GRIK1: variants seen among roughly 807,000 people sequenced by gnomAD.
GRIK1 encodes glutamate ionotropic receptor kainate type subunit 1.
A neutral mutation model predicts 105.7 loss-of-function variants in GRIK1; 69 were observed. The observed-to-expected ratio is 0.65, with a 90% CI of 0.54 to 0.80. The LOEUF is 0.80. Ranked by LOEUF, GRIK1 falls within the 30% of genes least tolerant of loss-of-function variation. GRIK1 has a pLI of 0.00. For synonymous variants in GRIK1, 438 were observed against 431.3 expected (o/e 1.02, Z -0.19); for missense variants, 1,109 against 1,167.3 (o/e 0.95, Z 0.73).
intron 1 of GRIK1, among the ~76,000 whole-genome samples, chr21:29,822,328 C>T (rs964296862): frequency 6.6e-6 from 1 of 151,988 alleles, no homozygotes; most frequent in African/African-American, 2.4e-5. Context: ...AGTTTCCTGA[C>T]CCTTGAATAT....
At chr21:29,789,218 C>A (rs1364039097) in intron 1 of GRIK1, among the ~76,000 whole-genome samples, 1 of 152,212 alleles carries the variant, frequency 6.6e-6, no homozygotes, top group African/African-American at 2.4e-5. Context: ...GGAATGACTT[C>A]CTTGTTTACC....
rs191692872 is a variant in GRIK1 at position 29,878,554 on chromosome 21, C to T, written c.118+60829G>A. On this transcript the variant is annotated intron_variant, in intron 1 of 17. Coordinates refer to ENST00000327783, the MANE Select transcript of GRIK1 (RefSeq NM_001330994.2). ...GGGAAGCAACAGGATTTAGCCACTG[C>T]TATAGACTGAATGGTTGTGTTTCAT... Among the ~76,000 whole-genome samples, 6 of 152,148 alleles carry T rather than the reference C, an allele frequency of 3.9e-5. No individual in the cohort carries two copies. The East Asian group carries it at 1.2e-3, about 29-fold the overall frequency.
intron 1 of GRIK1, among the ~76,000 whole-genome samples, chr21:29,840,775 C>T: frequency 6.6e-6 from 1 of 151,970 alleles, no homozygotes; most frequent in East Asian, 1.9e-4. Flanking sequence ...ACTCTCAATG[C>T]AGAACAAGAA....
chr21:29,537,578 CA>C (rs2089900663), intron 17 of GRIK1, 193 bp from the exon 18 acceptor site: 1 of 666,054 alleles, frequency 1.5e-6, no homozygotes, highest in Admixed American at 2.7e-5. Flanking sequence ...ACTGAGATGG[CA>C]AGTTAGCTGG....
At chr21:29,820,069 C>A (rs1171233258) in intron 1 of GRIK1, among the ~76,000 whole-genome samples, 1 of 152,014 alleles carries the variant, frequency 6.6e-6, no homozygotes, top group African/African-American at 2.4e-5. Flanking sequence ...TTAACAGCAA[C>A]TGCAACTGCC....
intron 1 of GRIK1, among the ~76,000 whole-genome samples, chr21:29,701,185 G>A (rs2063805376): frequency 6.6e-6 from 1 of 152,158 alleles, no homozygotes; most frequent in Non-Finnish European, 1.5e-5. Context: ...ACTGTGTGAG[G>A]CACTGGGATG....
chr21:29,829,538 A>G lies in GRIK1; in HGVS notation c.118+109845T>C, dbSNP rs113722015. The stretch of plus-strand genomic sequence containing the variant: ...TGAATTAATGTTTGATGGTGACAAA[A>G]ATAGCTACATATTTTTCTATCTGTG... On this transcript the variant is annotated intron_variant, in intron 1 of 17. Transcript: ENST00000327783. Among the ~76,000 whole-genome samples, 302 of 152,280 alleles carry G rather than the reference A, an allele frequency of 2.0e-3. 1 individual carries two copies. Among genetic ancestry groups the G allele is most frequent in the African/African-American group, 7.1e-3 (295 of 41,566 alleles).
At chr21:29,762,851 T>C (rs1326543020) in intron 1 of GRIK1, among the ~76,000 whole-genome samples, 1 of 152,228 alleles carries the variant, frequency 6.6e-6, no homozygotes, top group Non-Finnish European at 1.5e-5. Flanking sequence ...ACGTGTTCAA[T>C]GTAGTACTTG....
chr21:29,540,906 A>G (rs1312247685), intron 16 of GRIK1, among the ~76,000 whole-genome samples: 1 of 151,808 alleles, frequency 6.6e-6, no homozygotes, highest in African/African-American at 2.4e-5. Context: ...AGTAGCCTGG[A>G]TCTGGGGCCT....
At chr21:29,851,007 A>G (rs2068286079) in intron 1 of GRIK1, among the ~76,000 whole-genome samples, 1 of 151,858 alleles carries the variant, frequency 6.6e-6, no homozygotes, top group African/African-American at 2.4e-5. Flanking sequence ...CTCTTAGCTT[A>G]TTTGCTTTAC....
At chr21:29,908,496 A>C (rs2070718366) in intron 1 of GRIK1, among the ~76,000 whole-genome samples, 1 of 152,146 alleles carries the variant, frequency 6.6e-6, no homozygotes, top group Admixed American at 6.6e-5. Flanking sequence ...GCGTACCTTC[A>C]GGAGTTTTCT....
intron 1 of GRIK1, among the ~76,000 whole-genome samples, chr21:29,773,642 A>G (rs901592997): frequency 3.9e-5 from 6 of 152,152 alleles, no homozygotes; most frequent in African/African-American, 1.4e-4. Context: ...TCGGTGCATA[A>G]CAACCTCTCG....
intron 3 of GRIK1, 26 bp from the exon 4 acceptor site, chr21:29,673,190 A>T: frequency 6.7e-7 from 1 of 1,497,666 alleles, no homozygotes; most frequent in Non-Finnish European, 9.3e-7. Flanking sequence ...CAATCATGCA[A>T]TGGAGACTGT....
At chr21:29,599,093 A>G (rs529698358) in intron 7 of GRIK1, among the ~76,000 whole-genome samples, 156 bp from the exon 8 acceptor site, 2 of 152,354 alleles carry the variant, frequency 1.3e-5, no homozygotes, top group African/African-American at 4.8e-5. Flanking sequence ...ACAAGATAGC[A>G]GAACACATCG....
intron 1 of GRIK1, among the ~76,000 whole-genome samples, chr21:29,930,268 A>G (rs544769126): frequency 6.6e-6 from 1 of 152,318 alleles, no homozygotes; most frequent in Admixed American, 6.5e-5. Context: ...GAAAAAGTAC[A>G]GTAACATCTC....
At chr21:29,918,524 T>G (rs2071082324) in intron 1 of GRIK1, among the ~76,000 whole-genome samples, 1 of 152,086 alleles carries the variant, frequency 6.6e-6, no homozygotes, top group Non-Finnish European at 1.5e-5. Flanking sequence ...CCAGTATATG[T>G]TATATCTCCT....
chr21:29,778,389 T>C (rs1393885787), intron 1 of GRIK1, among the ~76,000 whole-genome samples: 1 of 152,202 alleles, frequency 6.6e-6, no homozygotes, highest in Non-Finnish European at 1.5e-5. Context: ...TTCTGGGAAA[T>C]ATTTAAAGCA....
chr21:29,553,540 T>C (rs1352224387), intron 16 of GRIK1: 4 of 1,537,930 alleles, frequency 2.6e-6, no homozygotes, highest in African/African-American at 2.8e-5. Flanking sequence ...ATCTTTTTTT[T>C]TTTTTTTAAA....
intron 1 of GRIK1, among the ~76,000 whole-genome samples, chr21:29,774,815 G>T (rs1302947643): frequency 6.6e-6 from 1 of 152,132 alleles, no homozygotes; most frequent in Admixed American, 6.6e-5. Flanking sequence ...ATGGATGTGA[G>T]ACCTGTGCAG....
Sources: allele counts gnomAD v4.1 joint callset (sites outside exome capture counted in the v4.1 genomes callset), GRCh38; gene constraint gnomAD v4.1.1; transcripts MANE v1.5; gene names NCBI Gene and HGNC (gene_info 2026-07-23, HGNC 2026-07-21).